Variants in BAZ1A observed in about 807,000 individuals in gnomAD.
The protein encoded by BAZ1A is bromodomain adjacent to zinc finger domain 1A.
Under a neutral mutation model 185.2 loss-of-function variants are expected in BAZ1A, and 50 were observed. The ratio of observed to expected loss-of-function variants is 0.27; its 90% CI spans 0.22 to 0.34. BAZ1A has a LOEUF of 0.34. BAZ1A is among the 10% of genes least tolerant of loss of function. The pLI is 1.00. For synonymous variants in BAZ1A, 571 were observed against 615.6 expected, an observed-to-expected ratio of 0.93 and a Z score of 1.07; for missense variants, 1,356 against 1,839.9, an observed-to-expected ratio of 0.74 and a Z score of 4.81.
intron 21 of BAZ1A, among the ~76,000 whole-genome samples, chr14:34,767,544 A>AAT (rs137860327): frequency 3.2e-4 from 49 of 152,112 alleles, no homozygotes; most frequent in African/African-American, 9.9e-4. Flanking sequence ...TCTGTCTCAA[A>AAT]ATATATATAT....
chr14:34,771,414 A>C, intron 21 of BAZ1A, 97 bp downstream of exon 21: 4 of 1,192,728 alleles, frequency 3.4e-6, no homozygotes, highest in Non-Finnish European at 3.5e-6. Flanking sequence ...AAGATTATCA[A>C]TTTCATTATG....
At chr14:34,774,126 T>TA (rs1272057758) in intron 19 of BAZ1A, among the ~76,000 whole-genome samples, 1 of 152,212 alleles carries the variant, frequency 6.6e-6, no homozygotes, top group Non-Finnish European at 1.5e-5. Flanking sequence ...AAAATATCCT[T>TA]ACGCATTTCA....
At chr14:34,854,705 T>C (rs77188446) in intron 3 of BAZ1A, among the ~76,000 whole-genome samples, 2,871 of 152,320 alleles carry the variant, frequency 0.019, 38 homozygotes, top group South Asian at 0.039. Flanking sequence ...CTCCAAATCC[T>C]GCCCTTCGCT....
At chr14:34,835,179 A>C (rs1264399657) in intron 3 of BAZ1A, among the ~76,000 whole-genome samples, 1 of 151,760 alleles carries the variant, frequency 6.6e-6, no homozygotes, top group Non-Finnish European at 1.5e-5. Flanking sequence ...ATCCTGCCTC[A>C]GCCTCCCCAG....
chr14:34,754,427 AAAAAAG>A (rs1203726669), intron 26 of BAZ1A, among the ~76,000 whole-genome samples: 2 of 82,594 alleles, frequency 2.4e-5, no homozygotes, highest in African/African-American at 3.3e-5. Context: ...CAAAAAAAAA[AAAAAAG>A]AAAAAAGAAA....
intron 4 of BAZ1A, among the ~76,000 whole-genome samples, chr14:34,817,128 T>C (rs2042018035): frequency 6.6e-6 from 1 of 152,178 alleles, no homozygotes; most frequent in African/African-American, 2.4e-5. Flanking sequence ...AAAATATTGT[T>C]TCTAAAATGC....
chr14:34,786,603 G>GTTTTTTTTTTTTTTTTT lies in BAZ1A; in HGVS notation c.1511-383_1511-382insAAAAAAAAAAAAAAAAA, dbSNP rs542523340. 25 of 106,864 alleles carry GTTTTTTTTTTTTTTTTT rather than the reference G, an allele frequency of 2.3e-4. 8 individuals carry two copies. The highest frequency in any genetic ancestry group is 2.6e-4 in the Non-Finnish European group (15 of 57,164). The allele number at this position is 106,864 out of a possible 1,614,324, so 6.6% of individuals were successfully genotyped here. A position where few individuals can be genotyped will look rare whatever the true frequency, so the allele number is the denominator to read the frequency against. On this transcript the variant is annotated intron_variant, in intron 12 of 26. Transcript: ENST00000360310. ...TTAAAGATACTCCAATCTTTTATGT[G>GTTTTTTTTTTTTTTTTT]TGTTTTTTTTTTTTTTTTTTTTGAG...
At chr14:34,795,241 G>A (rs1021779012) in intron 10 of BAZ1A, among the ~76,000 whole-genome samples, 1 of 152,140 alleles carries the variant, frequency 6.6e-6, no homozygotes, top group African/African-American at 2.4e-5. Context: ...TACCTTCAAT[G>A]TAGTAGCTCC....
At chr14:34,758,151 C>T (rs1886351519) in intron 25 of BAZ1A, among the ~76,000 whole-genome samples, 1 of 150,054 alleles carries the variant, frequency 6.7e-6, no homozygotes, top group Non-Finnish European at 1.5e-5. Flanking sequence ...GACCTGGTGG[C>T]ATGTGCCTGT....
At chr14:34,861,254 A>C (rs1200413) in intron 3 of BAZ1A, among the ~76,000 whole-genome samples, 39,276 of 152,052 alleles carry the variant, frequency 0.26, 5,221 homozygotes, top group Middle Eastern at 0.33. Context: ...TTATTATTAT[A>C]AATGTCAGTG....
At chr14:34,863,846 T>C (rs1422518699) in intron 2 of BAZ1A, among the ~76,000 whole-genome samples, 1 of 56,176 alleles carries the variant, frequency 1.8e-5, no homozygotes, top group East Asian at 2.5e-4. Flanking sequence ...CTATATTGTT[T>C]GAATTTTTTT....
chr14:34,758,459 A>G (rs1281352274), intron 25 of BAZ1A: 1 of 364,218 alleles, frequency 2.7e-6, no homozygotes, highest in African/African-American at 2.1e-5. Flanking sequence ...GTGTGCCTGT[A>G]ATCCCAGTTA....
intron 23 of BAZ1A, among the ~76,000 whole-genome samples, chr14:34,764,322 G>T (rs1388008397): frequency 8.4e-6 from 1 of 119,072 alleles, no homozygotes; most frequent in African/African-American, 3.4e-5. Context: ...ATGGAGTCTC[G>T]CTCTTGTCAC....
chr14:34,819,116 G>C lies in BAZ1A; in HGVS notation c.536+6897C>G, dbSNP rs1326680881. Among the ~76,000 whole-genome samples, 28 of 122,014 alleles carry C rather than the reference G, an allele frequency of 2.3e-4. No homozygotes were observed. In the Admixed American group the frequency reaches 3.1e-3, roughly 13 times the overall value. The allele number at this position is 122,014 out of a possible 152,430, so 80.0% of individuals were successfully genotyped here. On this transcript the variant is annotated intron_variant, in intron 4 of 26. Transcript: ENST00000360310. ...AGATCACGCCACTGCACTCCGACCTGGGCGACAGAGCAAGACTCTGTCTCA... is the reference window on the plus strand; with the variant it reads ...AGATCACGCCACTGCACTCCGACCTCGGCGACAGAGCAAGACTCTGTCTCA...
intron 11 of BAZ1A, 134 bp downstream of exon 11, chr14:34,794,615 T>C: frequency 1.2e-6 from 1 of 840,438 alleles, no homozygotes. Context: ...GAAGAAGCCA[T>C]TTTGAACATC....
At position 34,790,899 on chromosome 14, in the gene BAZ1A, C is replaced by G. The variant is rs183414193; in HGVS notation, c.1510+1876G>C. On this transcript the variant is annotated intron_variant, in intron 12 of 26. Coordinates refer to ENST00000360310, the MANE Select transcript of BAZ1A (RefSeq NM_013448.3). ...CAGCACTTTGGGAGGCCGAGGCGGG[C>G]AGACCCTGAGGTCGGGAGTTCGAGA... Among the ~76,000 whole-genome samples, 563 of 152,164 alleles carry G rather than the reference C, an allele frequency of 3.7e-3. 2 individuals carry two copies. The highest frequency in any genetic ancestry group is 0.017 in the Middle Eastern group (5 of 294).
chr14:34,791,231 A>G lies in BAZ1A; in HGVS notation c.1510+1544T>C, dbSNP rs372790093. Among the ~76,000 whole-genome samples the G allele has an allele frequency of 1.7e-4, 26 of 152,330 alleles. No homozygotes were observed. The Middle Eastern group carries it at 0.01, about 60-fold the overall frequency. Reference sequence around the variant, plus strand: ...ATTTTTCCTTTATACTGATTTTCCCATACTATTTCCTTTTTACCGTACTTT... The same window carrying G: ...ATTTTTCCTTTATACTGATTTTCCCGTACTATTTCCTTTTTACCGTACTTT... On this transcript the variant is annotated intron_variant, in intron 12 of 26. Transcript: ENST00000360310.
intron 25 of BAZ1A, 117 bp downstream of exon 25, chr14:34,758,587 C>CA: frequency 9.3e-7 from 1 of 1,079,138 alleles, no homozygotes. Flanking sequence ...CAGGAAAAAA[C>CA]AACAACAACA....
At chr14:34,789,970 G>A (rs958950633) in intron 12 of BAZ1A, among the ~76,000 whole-genome samples, 2 of 152,068 alleles carry the variant, frequency 1.3e-5, no homozygotes, top group African/African-American at 4.8e-5. Context: ...TATGTAAAAT[G>A]CAGAAAATAA....
Sources: gnomAD v4.1 joint callset for allele counts (sites outside exome capture counted in the v4.1 genomes callset) on GRCh38, gnomAD v4.1.1 for gene constraint, MANE v1.5 for transcripts, NCBI Gene and HGNC (gene_info 2026-07-23, HGNC 2026-07-21) for gene names.